Variants in MSRA observed in about 807,000 individuals in gnomAD.
MSRA encodes mitochondrial peptide methionine sulfoxide reductase.
Under a neutral mutation model 31.3 loss-of-function variants are expected in MSRA, and 54 were observed. The observed-to-expected ratio is 1.73, with a 90% CI of 1.39 to 2.17. The LOEUF (loss-of-function observed/expected upper bound fraction) is 2.17. Among genes scored for constraint, MSRA ranks in the 30% most tolerant of loss-of-function variants. The pLI is 0.00. For synonymous variants in MSRA, 169 were observed against 116.5 expected (o/e 1.45, Z -2.90); for missense variants, 507 against 300.9 (o/e 1.69, Z -5.07).
chr8:10,110,302 T>C (rs959381642), intron 1 of MSRA, among the ~76,000 whole-genome samples: 2 of 152,224 alleles, frequency 1.3e-5, no homozygotes, highest in African/African-American at 4.8e-5. Flanking sequence ...TTTGCCCCAT[T>C]CTTTATTATT....
chr8:10,315,537 T>C (rs1801663444), intron 4 of MSRA, among the ~76,000 whole-genome samples: 1 of 152,238 alleles, frequency 6.6e-6, no homozygotes, highest in South Asian at 2.1e-4. Flanking sequence ...ATGTCTTATG[T>C]ACTTTTCTGT....
rs76787109 is a variant in MSRA, at chr8:10,392,391, C to T, written c.544-35757C>T. ...CAGTCCAGGAGAGGGAAGGTGACTT[C>T]CCTGAGCCGACGTGGCTGGTCAGTG... On this transcript the variant is annotated intron_variant, in intron 5 of 5. Coordinates refer to ENST00000317173, the MANE Select transcript of MSRA (RefSeq NM_012331.5). 8.1e-3 allele frequency among the ~76,000 whole-genome samples: 1,232 copies of T among 152,298 alleles called. 21 individuals carry two copies. Among genetic ancestry groups the T allele is most frequent in the African/African-American group, 0.028 (1,173 of 41,572 alleles).
intron 1 of MSRA, among the ~76,000 whole-genome samples, chr8:10,076,630 C>G (rs1428483587): frequency 2.6e-5 from 4 of 152,140 alleles, no homozygotes; most frequent in African/African-American, 9.7e-5. Context: ...AAGGGAATTT[C>G]TTTGCGGGGC....
At chr8:10,259,221 T>A (rs1428368776) in intron 3 of MSRA, among the ~76,000 whole-genome samples, 1 of 152,200 alleles carries the variant, frequency 6.6e-6, no homozygotes, top group Admixed American at 6.5e-5. Context: ...GGCCACTCTC[T>A]GGCAAAACTG....
intron 3 of MSRA, among the ~76,000 whole-genome samples, chr8:10,265,781 C>A (rs938619096): frequency 3.9e-5 from 6 of 152,206 alleles, no homozygotes; most frequent in Admixed American, 3.3e-4. Context: ...CCCCGCAGCC[C>A]TGGTGCCCAG....
intron 1 of MSRA, among the ~76,000 whole-genome samples, chr8:10,063,503 T>G (rs1797310976): frequency 6.6e-6 from 1 of 152,154 alleles, no homozygotes; most frequent in African/African-American, 2.4e-5. Context: ...CCTTGCAGGT[T>G]GCTATGGTCT....
chr8:10,221,281 CT>C (rs1280676094), intron 2 of MSRA, among the ~76,000 whole-genome samples: 1 of 152,134 alleles, frequency 6.6e-6, no homozygotes, highest in African/African-American at 2.4e-5. Flanking sequence ...GTTTTGGTAA[CT>C]GTATTGAAGT....
chr8:10,218,729 A>G (rs557463606), intron 2 of MSRA, among the ~76,000 whole-genome samples: 1 of 152,304 alleles, frequency 6.6e-6, no homozygotes, highest in Admixed American at 6.5e-5. Context: ...GTATATATGG[A>G]TAGTTGTTTA....
intron 1 of MSRA, among the ~76,000 whole-genome samples, chr8:10,098,379 C>G (rs921086619): frequency 6.6e-6 from 1 of 152,242 alleles, no homozygotes; most frequent in East Asian, 1.9e-4. Context: ...AACATACAAG[C>G]ACATTATTCT....
chr8:10,114,373 A>G (rs1336173743), intron 1 of MSRA, among the ~76,000 whole-genome samples: 1 of 152,204 alleles, frequency 6.6e-6, no homozygotes, highest in Non-Finnish European at 1.5e-5. Context: ...TTTTTGGGCC[A>G]TTTGGCAACC....
intron 1 of MSRA, among the ~76,000 whole-genome samples, chr8:10,092,831 C>T (rs932867060): frequency 1.3e-5 from 2 of 152,094 alleles, no homozygotes; most frequent in Non-Finnish European, 2.9e-5. Flanking sequence ...TTTTTCCCTT[C>T]AATTATTTTA....
chr8:10,252,512 T>C (rs533514629), intron 3 of MSRA, among the ~76,000 whole-genome samples: 1 of 152,292 alleles, frequency 6.6e-6, no homozygotes, highest in African/African-American at 2.4e-5. Context: ...GTAGCAGAGC[T>C]AAGGGTGTGA....
At chr8:10,206,157 G>C (rs996797987) in intron 1 of MSRA, among the ~76,000 whole-genome samples, 2 of 152,120 alleles carry the variant, frequency 1.3e-5, no homozygotes, top group East Asian at 3.9e-4. Flanking sequence ...CCACTGACAG[G>C]GCTGTGAGGC....
At chr8:10,080,858 T>A (rs1292492168) in intron 1 of MSRA, among the ~76,000 whole-genome samples, 2 of 152,018 alleles carry the variant, frequency 1.3e-5, no homozygotes, top group Admixed American at 6.5e-5. Flanking sequence ...TCATCTTGAG[T>A]GTGAAATTTG....
At chr8:10,134,281 C>T (rs913540230) in intron 1 of MSRA, among the ~76,000 whole-genome samples, 9 of 151,808 alleles carry the variant, frequency 5.9e-5, no homozygotes, top group East Asian at 3.8e-4. Context: ...GCTATTACCA[C>T]GTAAGACAAT....
chr8:10,327,048 A>G (rs1365868791), intron 5 of MSRA, among the ~76,000 whole-genome samples: 3 of 152,234 alleles, frequency 2.0e-5, no homozygotes, highest in African/African-American at 4.8e-5. Flanking sequence ...CAAGTCTTCA[A>G]GAAAGCACAA....
intron 1 of MSRA, among the ~76,000 whole-genome samples, chr8:10,102,720 C>T (rs900493940): frequency 6.6e-6 from 1 of 152,142 alleles, no homozygotes; most frequent in Non-Finnish European, 1.5e-5. Flanking sequence ...TTTAAGCCTT[C>T]TGTGTTAACA....
intron 1 of MSRA, among the ~76,000 whole-genome samples, chr8:10,110,881 C>T (rs2129013240): frequency 6.6e-6 from 1 of 152,302 alleles, no homozygotes; most frequent in South Asian, 2.1e-4. Flanking sequence ...CTTCTGTATT[C>T]CACCAATCAG....
At chr8:10,357,314 C>T (rs1427308441) in intron 5 of MSRA, among the ~76,000 whole-genome samples, 2 of 152,202 alleles carry the variant, frequency 1.3e-5, no homozygotes, top group African/African-American at 4.8e-5. Context: ...TACTCAGTGG[C>T]ACAGGTCTTA....
Sources: gnomAD v4.1 joint callset for allele counts (sites outside exome capture counted in the v4.1 genomes callset) on GRCh38, gnomAD v4.1.1 for gene constraint, MANE v1.5 for transcripts, NCBI Gene and HGNC (gene_info 2026-07-23, HGNC 2026-07-21) for gene names.